The following TMIE variants were observed in gnomAD, a reference collection of about 807,000 sequenced individuals.
The protein encoded by TMIE is transmembrane inner ear.
A neutral mutation model predicts 16.8 loss-of-function variants in TMIE; 14 were observed. The observed-to-expected ratio is 0.83, with a 90% CI of 0.55 to 1.30. The LOEUF (loss-of-function observed/expected upper bound fraction) is 1.30, where lower values mean the gene tolerates loss of function less well. Among genes scored for constraint, TMIE ranks in the 50% most tolerant of loss-of-function variants. TMIE has a pLI of 0.00. For synonymous variants in TMIE, 75 were observed against 87.2 expected (o/e 0.86, Z 0.78); for missense variants, 204 against 205.9 (o/e 0.99, Z 0.06).
chr3:46,705,774 C>G lies in TMIE; in HGVS notation c.94-16C>G. On this transcript the variant is annotated splice_polypyrimidine_tract_variant and intron_variant, in intron 1 of 3. Coordinates refer to ENST00000643606, the MANE Select transcript of TMIE (RefSeq NM_147196.3). ...TGGCCTCTGCCTAACTCACTCCCCT[C>G]TCTCCTGACCCACAGCCCAGCACGG... 1.2e-6 allele frequency: 2 copies of G among 1,612,798 alleles called. No homozygotes were observed. The highest frequency in any genetic ancestry group is 1.7e-6 in the Non-Finnish European group (2 of 1,179,358).
chr3:46,695,529 GCCA>G (rs1700397756), intron 1 of TMIE, among the ~76,000 whole-genome samples: 2 of 152,164 alleles, frequency 1.3e-5, no homozygotes, highest in Non-Finnish European at 2.9e-5. Context: ...ATGGGTGTGG[GCCA>G]CCAGGCATCC....
intron 1 of TMIE, among the ~76,000 whole-genome samples, chr3:46,703,119 T>A (rs1397590295): frequency 6.6e-6 from 1 of 152,136 alleles, no homozygotes; most frequent in East Asian, 1.9e-4. Flanking sequence ...ACCAAAGACA[T>A]GGGCAGGGCT....
At chr3:46,694,888 T>C (rs1700367842) in intron 1 of TMIE, among the ~76,000 whole-genome samples, 1 of 152,138 alleles carries the variant, frequency 6.6e-6, no homozygotes. Context: ...CCTCCCCTTT[T>C]CCAGCCTTGT....
chr3:46,710,107 G>C lies in TMIE; in HGVS notation c.*419G>C. 9.9e-6 allele frequency: 3 copies of C among 303,980 alleles called. No individual in the cohort carries two copies. Among genetic ancestry groups the C allele is most frequent in the Non-Finnish European group, 1.9e-5 (3 of 154,718 alleles). The allele number at this position is 303,980 out of a possible 1,614,324, so 18.8% of individuals were successfully genotyped here. On this transcript the variant is annotated 3_prime_UTR_variant, in exon 4 of 4. Coordinates refer to ENST00000643606, the MANE Select transcript of TMIE (RefSeq NM_147196.3). ...CTGAAGTGCATGGGTCAGGGTGTGA[G>C]GCCACACCCAGAGTAGCCATGAGGA...
At chr3:46,698,835 TTTTTTTATTTTTTA>T (rs369424656), upstream of TMIE, among the ~76,000 whole-genome samples, 1 of 151,848 alleles carries the variant, frequency 6.6e-6, no homozygotes, top group Non-Finnish European at 1.5e-5. Flanking sequence ...TTTTCTTTTC[TTTTTTTATTTTTTA>T]TTTTTTATTT....
intron 1 of TMIE, among the ~76,000 whole-genome samples, chr3:46,704,419 C>A (rs1700519230): frequency 7.1e-6 from 1 of 140,360 alleles, no homozygotes; most frequent in Non-Finnish European, 1.5e-5. Context: ...CCAGGGTGGA[C>A]CATGTCGCCT....
At chr3:46,704,667 G>T (rs967538683) in intron 1 of TMIE, among the ~76,000 whole-genome samples, 2 of 135,780 alleles carry the variant, frequency 1.5e-5, no homozygotes, top group East Asian at 4.7e-4. Context: ...CAGGGCCAGG[G>T]TCATGTCCCT....
Position 46,705,771 on chromosome 3 carries a change from C to G in TMIE, c.94-19C>G. Reference sequence around the variant, plus strand: ...AGCTGGCCTCTGCCTAACTCACTCCCCTCTCTCCTGACCCACAGCCCAGCA... The same window carrying G: ...AGCTGGCCTCTGCCTAACTCACTCCGCTCTCTCCTGACCCACAGCCCAGCA... On this transcript the variant is annotated intron_variant, in intron 1 of 3. Coordinates refer to ENST00000643606, the MANE Select transcript of TMIE (RefSeq NM_147196.3). 1 of 1,611,996 alleles carries G rather than the reference C, an allele frequency of 6.2e-7. No homozygotes were observed. Among genetic ancestry groups the G allele is most frequent in the Non-Finnish European group, 8.5e-7 (1 of 1,178,700 alleles).
At chr3:46,693,849 G>GC (rs1365288313), upstream of TMIE, 1 of 151,914 alleles carries the variant, frequency 6.6e-6, no homozygotes, top group African/African-American at 2.4e-5. Context: ...CCGTCCCGCC[G>GC]CCCCAAGCCT....
In TMIE at chr3:46,701,535, C is replaced by T; in HGVS notation, c.48C>T (p.Ala16=). The stretch of plus-strand genomic sequence containing the variant: ...GTCCCCTCTGCGTGCTGGGCGGCGC[C>T]GCACTCGGGGTGTGCCTCGCGGGGG... The part of the protein sequence containing the change: ...GAGPLCVLGG[A]ALGVCLAGVA... Residue 16 remains alanine, a synonymous_variant, in exon 1 of 4, where the codon GCC becomes GCT. Coordinates refer to ENST00000643606, the MANE Select transcript of TMIE (RefSeq NM_147196.3). This position sits in a 1 kb window ranked among gnomAD's most constrained non-coding sequence, Gnocchi z 4.3. 7.7e-7 allele frequency: 1 copy of T among 1,303,282 alleles called. No homozygotes were observed. Among genetic ancestry groups the T allele is most frequent in the Non-Finnish European group, 9.7e-7 (1 of 1,028,858 alleles). The allele number at this position is 1,303,282 out of a possible 1,614,324, so 80.7% of individuals were successfully genotyped here. A position where few individuals can be genotyped will look rare whatever the true frequency, so the allele number is the denominator to read the frequency against.
chr3:46,696,609 C>T (rs1164790983), upstream of TMIE, among the ~76,000 whole-genome samples: 2 of 152,068 alleles, frequency 1.3e-5, no homozygotes, highest in African/African-American at 4.8e-5. Flanking sequence ...TGGGGGTCCT[C>T]ATTTCCTACC....
chr3:46,701,037 C>A (rs1039983726), upstream of TMIE, among the ~76,000 whole-genome samples: 10 of 151,942 alleles, frequency 6.6e-5, no homozygotes, highest in African/African-American at 1.9e-4. This position sits in a 1 kb window ranked among gnomAD's most constrained non-coding sequence, Gnocchi z 4.3. Context: ...CTCTGCCCCC[C>A]CCCCAAACTC....
At chr3:46,696,656 T>C (rs1700413837), upstream of TMIE, among the ~76,000 whole-genome samples, 1 of 152,020 alleles carries the variant, frequency 6.6e-6, no homozygotes, top group Admixed American at 6.5e-5. Flanking sequence ...AGCCCTGGGA[T>C]TTCAGGCTCC....
chr3:46,709,583 TAAGAAG>T lies in TMIE; in HGVS notation c.388_393del (p.Lys130_Lys131del), dbSNP rs10578999. ...TCTCTTCCCCCTGCCCCACAGAGGA[TAAGAAG>T]AAGAAGAAGAAGAAGAAGAAGGACA... On this transcript the variant is annotated inframe_deletion, in exon 4 of 4. Transcript: ENST00000643606. 0.016 allele frequency: 17,453 copies of T among 1,088,952 alleles called. 2 individuals carry two copies. The highest frequency in any genetic ancestry group is 0.017 in the Non-Finnish European group (13,754 of 797,890). 67.5% of individuals were successfully genotyped at this position (1,088,952 alleles called of 1,614,324 possible).
intron 1 of TMIE, chr3:46,694,672 T>G (rs984726898): frequency 2.6e-5 from 4 of 152,250 alleles, no homozygotes; most frequent in African/African-American, 7.2e-5. Flanking sequence ...CTTGGGTTGT[T>G]GCGAGGTGGG....
chr3:46,702,255 A>G (rs751316616), intron 1 of TMIE, among the ~76,000 whole-genome samples: 1 of 152,158 alleles, frequency 6.6e-6, no homozygotes, highest in Non-Finnish European at 1.5e-5. Context: ...GTTTCTGCTC[A>G]GGGACAAGTC....
At chr3:46,700,250 C>T (rs1183311471), upstream of TMIE, among the ~76,000 whole-genome samples, 1 of 152,140 alleles carries the variant, frequency 6.6e-6, no homozygotes, top group East Asian at 1.9e-4. Context: ...CAACAGCTCT[C>T]GTTTTCCTGC....
chr3:46,697,893 G>T (rs117157751), upstream of TMIE, among the ~76,000 whole-genome samples: 1 of 152,072 alleles, frequency 6.6e-6, no homozygotes, highest in Non-Finnish European at 1.5e-5. Context: ...GTTGGTGTAC[G>T]AGCAGAGGAA....
chr3:46,709,612 A>T lies in TMIE; in HGVS notation c.395A>T (p.Asp132Val). 6.2e-7 allele frequency: 1 copy of T among 1,612,704 alleles called. No individual in the cohort carries two copies. Among genetic ancestry groups the T allele is most frequent in the Non-Finnish European group, 8.5e-7 (1 of 1,179,270 alleles). Residue 132 changes from aspartate (D) to valine (V), a missense_variant, in exon 4 of 4, where the codon GAC becomes GTC. Coordinates refer to ENST00000643606, the MANE Select transcript of TMIE (RefSeq NM_147196.3). ...DKKKKKKKKKDSVDTVAIKVE... is the reference protein window; with the variant it reads ...DKKKKKKKKKVSVDTVAIKVE... The stretch of plus-strand genomic sequence containing the variant: ...AAGAAGAAGAAGAAGAAGAAGAAGG[A>T]CAGTGTGGACACAGTGGCCATCAAA...
Sources: gnomAD v4.1 joint callset for allele counts (sites outside exome capture counted in the v4.1 genomes callset) on GRCh38, gnomAD v4.1.1 for gene constraint, Gnocchi (gnomAD v3.1) non-coding constraint, MANE v1.5 for transcripts, NCBI Gene and HGNC (gene_info 2026-07-23, HGNC 2026-07-21) for gene names.